Variants in SCFD2 observed in about 807,000 individuals in gnomAD.
SCFD2 encodes the protein sec1 family domain containing 2, also known as sec1 family domain-containing protein 2.
A neutral mutation model predicts 58.9 loss-of-function variants in SCFD2; 54 were observed. The ratio of observed to expected loss-of-function variants is 0.92; its 90% CI spans 0.74 to 1.15. SCFD2 has a LOEUF of 1.15. SCFD2 is among the 50% of genes most tolerant of loss of function. The pLI is 0.00. For missense variants in SCFD2, 805 were observed against 836.6 expected (o/e 0.96, Z 0.47); for synonymous variants, 321 against 335.9 (o/e 0.96, Z 0.49).
intron 1 of SCFD2, among the ~76,000 whole-genome samples, chr4:53,362,592 A>G (rs1258072750): frequency 6.6e-6 from 1 of 152,214 alleles, no homozygotes; most frequent in Non-Finnish European, 1.5e-5. Context: ...ATTGGAAAAT[A>G]AAACTCTAAC....
intron 7 of SCFD2, among the ~76,000 whole-genome samples, chr4:52,894,360 A>C (rs1458001106): frequency 6.6e-6 from 1 of 152,246 alleles, no homozygotes; most frequent in African/African-American, 2.4e-5. Flanking sequence ...CATGTCCTTT[A>C]GTCAAAACAA....
At chr4:53,165,968 C>A (rs1399880045) in intron 4 of SCFD2, among the ~76,000 whole-genome samples, 1 of 152,110 alleles carries the variant, frequency 6.6e-6, no homozygotes. Context: ...TTTAAGTGTA[C>A]TTTCTGTCTG....
At chr4:53,125,735 A>T (rs35743129) in intron 5 of SCFD2, among the ~76,000 whole-genome samples, 47,785 of 152,194 alleles carry the variant, frequency 0.31, 7,745 homozygotes, top group Non-Finnish European at 0.36. Flanking sequence ...CTCCGTTATG[A>T]TGAAAGACTA....
intron 3 of SCFD2, among the ~76,000 whole-genome samples, chr4:53,295,639 G>T (rs574303195): frequency 6.6e-6 from 1 of 152,218 alleles, no homozygotes; most frequent in Admixed American, 6.5e-5. Flanking sequence ...TCTTTCTCTT[G>T]CCTGATTACC....
intron 4 of SCFD2, among the ~76,000 whole-genome samples, chr4:53,236,676 G>A (rs1317649551): frequency 6.7e-6 from 1 of 149,574 alleles, no homozygotes. Flanking sequence ...TGAGTTCTAT[G>A]CAAAACAGGT....
chr4:53,345,970 G>A (rs530530383), intron 2 of SCFD2, among the ~76,000 whole-genome samples: 14 of 152,196 alleles, frequency 9.2e-5, no homozygotes, highest in African/African-American at 3.4e-4. Context: ...GGCTTGGGGA[G>A]GGATACAATT....
chr4:52,922,112 T>C (rs184260886), intron 5 of SCFD2, among the ~76,000 whole-genome samples: 1 of 152,310 alleles, frequency 6.6e-6, no homozygotes, highest in East Asian at 1.9e-4. Flanking sequence ...CCAAATTCAG[T>C]ATTCGCACCC....
At chr4:53,172,986 A>C (rs555919939) in intron 4 of SCFD2, among the ~76,000 whole-genome samples, 1 of 152,212 alleles carries the variant, frequency 6.6e-6, no homozygotes, top group South Asian at 2.1e-4. Context: ...CTCTCCCTTC[A>C]TATCCTTTAA....
intron 5 of SCFD2, among the ~76,000 whole-genome samples, chr4:53,031,778 G>A (rs916028146): frequency 3.2e-4 from 48 of 152,258 alleles, no homozygotes; most frequent in African/African-American, 1.2e-3. Flanking sequence ...TAAGAACTAT[G>A]GGACTAGGTG....
chr4:52,946,237 T>C (rs1378825661), intron 5 of SCFD2, among the ~76,000 whole-genome samples: 3 of 152,146 alleles, frequency 2.0e-5, no homozygotes, highest in African/African-American at 7.2e-5. Context: ...TGGTATAAAA[T>C]GCATTTTCTA....
At chr4:52,919,881 A>T (rs1719694854) in intron 6 of SCFD2, among the ~76,000 whole-genome samples, 1 of 152,240 alleles carries the variant, frequency 6.6e-6, no homozygotes, top group South Asian at 2.1e-4. Flanking sequence ...CTCCCCACTA[A>T]CAGCACATTC....
chr4:53,072,482 T>A (rs562096741), intron 5 of SCFD2, among the ~76,000 whole-genome samples: 26 of 152,084 alleles, frequency 1.7e-4, no homozygotes, highest in African/African-American at 6.0e-4. Flanking sequence ...ACCTGGAGGC[T>A]CCATCTTCCC....
intron 8 of SCFD2, among the ~76,000 whole-genome samples, chr4:52,875,802 CTATA>C (rs3052566): frequency 5.5e-3 from 335 of 60,630 alleles, no homozygotes; most frequent in Admixed American, 7.7e-3. Context: ...TTATCTTTAA[CTATA>C]TATATATATA....
At chr4:53,025,060 G>A (rs1722440271) in intron 5 of SCFD2, among the ~76,000 whole-genome samples, 1 of 152,136 alleles carries the variant, frequency 6.6e-6, no homozygotes, top group African/African-American at 2.4e-5. Flanking sequence ...GCCCCTCTGT[G>A]TGGCTCTGCT....
chr4:53,212,114 A>G (rs1266672796), intron 4 of SCFD2, among the ~76,000 whole-genome samples: 1 of 152,100 alleles, frequency 6.6e-6, no homozygotes, highest in African/African-American at 2.4e-5. Flanking sequence ...TGAATGTTAA[A>G]TCACTCAGGC....
At chr4:52,877,527 A>G (rs1228298129) in intron 8 of SCFD2, among the ~76,000 whole-genome samples, 3 of 152,184 alleles carry the variant, frequency 2.0e-5, no homozygotes, top group African/African-American at 4.8e-5. Context: ...CTGAGCCTCA[A>G]TTTCTTCATC....
chr4:53,061,003 C>T (rs1476552202), intron 5 of SCFD2, among the ~76,000 whole-genome samples: 1 of 152,036 alleles, frequency 6.6e-6, no homozygotes. Context: ...AAATGCAGTG[C>T]ATTATATTTT....
intron 7 of SCFD2, among the ~76,000 whole-genome samples, chr4:52,903,048 C>G (rs1282189087): frequency 6.6e-6 from 1 of 152,204 alleles, no homozygotes; most frequent in Admixed American, 6.5e-5. Flanking sequence ...CACTCATCCT[C>G]CTATGTGACC....
At chr4:52,897,247 G>A (rs1218619938) in intron 7 of SCFD2, among the ~76,000 whole-genome samples, 3 of 152,196 alleles carry the variant, frequency 2.0e-5, no homozygotes, top group Admixed American at 6.5e-5. Context: ...TTTTCAAAGG[G>A]AATGCTTCCA....
Sources: allele counts gnomAD v4.1 joint callset (sites outside exome capture counted in the v4.1 genomes callset), GRCh38; gene constraint gnomAD v4.1.1; transcripts MANE v1.5; gene names NCBI Gene and HGNC (gene_info 2026-07-23, HGNC 2026-07-21).